Variants in GPHN observed in about 807,000 individuals in gnomAD.
GPHN encodes the protein gephyrin.
Under a neutral mutation model 95.5 loss-of-function variants are expected in GPHN, and 17 were observed. That is an observed-to-expected ratio of 0.18 (90% confidence interval 0.12 to 0.27). The LOEUF is 0.27. Among genes scored for constraint, GPHN ranks in the 10% least tolerant of loss-of-function variants. The probability of loss-of-function intolerance (pLI) is 1.00; values close to 1 mark genes in which losing one functional copy is unlikely to be tolerated. For missense variants in GPHN, 660 were observed against 978.1 expected (o/e 0.67, Z 4.34); for synonymous variants, 320 against 322.5 (o/e 0.99, Z 0.08).
At chr14:66,659,438 A>AT (rs1192401501) in intron 1 of GPHN, among the ~76,000 whole-genome samples, 1 of 152,074 alleles carries the variant, frequency 6.6e-6, no homozygotes, top group African/African-American at 2.4e-5. Flanking sequence ...AATGTCAGTT[A>AT]TGTCCTGGTG....
At position 67,181,572 on chromosome 14, in the gene GPHN, G is replaced by A. The variant is rs142464949; in HGVS notation, c.*635G>A. 414 of 443,372 alleles carry A rather than the reference G, an allele frequency of 9.3e-4. 7 individuals carry two copies. The East Asian group carries it at 0.016, about 18-fold the overall frequency. The allele number at this position is 443,372 out of a possible 1,614,324, so 27.5% of individuals were successfully genotyped here. On this transcript the variant is annotated 3_prime_UTR_variant, in exon 23 of 23. Transcript: ENST00000478722. ...CTTTTATTTGAAGAAACAAACTGAA[G>A]AAAAAATGCTTCCTTAAGTGCTGAC...
At chr14:67,408,656 C>G in the GPHN span, among the ~76,000 whole-genome samples, 1 of 152,112 alleles carries the variant, frequency 6.6e-6, no homozygotes, top group East Asian at 1.9e-4. Context: ...CCAGGGAATG[C>G]CAAGGGTTGC....
intron 17 of GPHN, among the ~76,000 whole-genome samples, chr14:67,139,132 A>G (rs2080292713): frequency 6.6e-6 from 1 of 151,606 alleles, no homozygotes; most frequent in Non-Finnish European, 1.5e-5. Context: ...CTGAGACAGG[A>G]GAGTTGCTTG....
the GPHN span, among the ~76,000 whole-genome samples, chr14:67,603,222 A>G: frequency 6.6e-6 from 1 of 152,172 alleles, no homozygotes; most frequent in South Asian, 2.1e-4. Flanking sequence ...GGCACACTCT[A>G]CCACATCAGG....
At chr14:66,793,583 A>G (rs1026126335) in intron 3 of GPHN, among the ~76,000 whole-genome samples, 1 of 152,178 alleles carries the variant, frequency 6.6e-6, no homozygotes, top group Non-Finnish European at 1.5e-5. Context: ...ATATATGTGC[A>G]TATACATATA....
At chr14:66,914,199 T>C (rs1483501621) in intron 5 of GPHN, among the ~76,000 whole-genome samples, 1 of 152,100 alleles carries the variant, frequency 6.6e-6, no homozygotes, top group Non-Finnish European at 1.5e-5. Context: ...GCTACTAAGG[T>C]GTCAACCTAG....
the GPHN span, among the ~76,000 whole-genome samples, chr14:67,366,318 T>C: frequency 1.3e-5 from 2 of 152,174 alleles, no homozygotes; most frequent in Admixed American, 1.3e-4. Flanking sequence ...GCGATTCTCC[T>C]GCCTTGGCCT....
At chr14:67,174,087 T>A (rs969668421) in intron 21 of GPHN, among the ~76,000 whole-genome samples, 6 of 152,238 alleles carry the variant, frequency 3.9e-5, no homozygotes, top group African/African-American at 1.4e-4. Context: ...AATTTTTTTA[T>A]TATACTTTAA....
At chr14:67,525,365 A>G in the GPHN span, among the ~76,000 whole-genome samples, 2 of 152,222 alleles carry the variant, frequency 1.3e-5, no homozygotes, top group Non-Finnish European at 2.9e-5. Context: ...TTCATCATAC[A>G]TTTTGATGGC....
the GPHN span, among the ~76,000 whole-genome samples, chr14:67,410,836 G>A: frequency 6.6e-6 from 1 of 152,108 alleles, no homozygotes; most frequent in African/African-American, 2.4e-5. Context: ...AGTATAAATG[G>A]TTAGTGTTAA....
At chr14:66,701,806 A>G (rs890372994) in intron 2 of GPHN, among the ~76,000 whole-genome samples, 9 of 152,128 alleles carry the variant, frequency 5.9e-5, no homozygotes, top group Non-Finnish European at 1.2e-4. Flanking sequence ...CACCACAGCT[A>G]TGGCTGCCTA....
chr14:67,388,839 C>T, the GPHN span, among the ~76,000 whole-genome samples: 1 of 152,050 alleles, frequency 6.6e-6, no homozygotes, highest in Non-Finnish European at 1.5e-5. Context: ...GCCACCACAC[C>T]TGGCTAATTT....
At chr14:67,688,042 G>C in the GPHN span, among the ~76,000 whole-genome samples, 2 of 151,948 alleles carry the variant, frequency 1.3e-5, no homozygotes, top group Non-Finnish European at 2.9e-5. Context: ...CAAAGTGCTG[G>C]GATTACAGGT....
chr14:67,728,829 T>C, the GPHN span, among the ~76,000 whole-genome samples: 4 of 151,992 alleles, frequency 2.6e-5, no homozygotes, highest in Non-Finnish European at 5.9e-5. Flanking sequence ...ATCAGATCGC[T>C]ACCCCTAAAC....
chr14:67,110,083 G>GA, intron 13 of GPHN, 57 bp from the exon 14 acceptor site: 1 of 1,529,522 alleles, frequency 6.5e-7, no homozygotes, highest in Non-Finnish European at 9.1e-7. Flanking sequence ...ATCCTCTGCA[G>GA]ACTTTTCCTT....
chr14:67,562,663 T>G, the GPHN span: 1 of 1,612,654 alleles, frequency 6.2e-7, no homozygotes, highest in Non-Finnish European at 8.5e-7. Context: ...ACTTTGGCCG[T>G]GTGGTGAACA....
intron 3 of GPHN, among the ~76,000 whole-genome samples, chr14:66,787,349 G>A (rs753037793): frequency 3.9e-5 from 6 of 152,118 alleles, no homozygotes; most frequent in Non-Finnish European, 5.9e-5. Context: ...AAGGACACTT[G>A]AATAAAGACA....
the GPHN span, among the ~76,000 whole-genome samples, chr14:67,446,293 C>T: frequency 1.3e-5 from 2 of 152,202 alleles, no homozygotes; most frequent in African/African-American, 4.8e-5. Flanking sequence ...TGGCTCTAAA[C>T]TCAAGAAGAG....
intron 21 of GPHN, among the ~76,000 whole-genome samples, chr14:67,170,333 C>T (rs2082526517): frequency 6.6e-6 from 1 of 151,914 alleles, no homozygotes; most frequent in Non-Finnish European, 1.5e-5. Flanking sequence ...CATCCATGAA[C>T]AAAAAGTATT....
Sources: allele counts gnomAD v4.1 joint callset (sites outside exome capture counted in the v4.1 genomes callset), GRCh38; gene constraint gnomAD v4.1.1; transcripts MANE v1.5; gene names NCBI Gene and HGNC (gene_info 2026-07-23, HGNC 2026-07-21).